The following CRYBG3 variants were observed in gnomAD, a reference collection of about 807,000 sequenced individuals.
The protein encoded by CRYBG3 is very large A-kinase anchor protein.
A neutral mutation model predicts 244.2 loss-of-function variants in CRYBG3; 127 were observed. The ratio of observed to expected loss-of-function variants is 0.52; its 90% CI spans 0.45 to 0.60. The LOEUF is 0.60. Among genes scored for constraint, CRYBG3 ranks in the 20% least tolerant of loss-of-function variants. The pLI is 0.00. For missense variants in CRYBG3, 3,325 were observed against 3,442.5 expected (o/e 0.97, Z 0.85); for synonymous variants, 1,132 against 1,195.8 (o/e 0.95, Z 1.10).
At position 97,933,815 on chromosome 3, in the gene CRYBG3, T is replaced by C. The variant is rs752618780; in HGVS notation, c.8363T>C (p.Val2788Ala). The C allele has an allele frequency of 1.9e-6, 3 of 1,612,158 alleles. No homozygotes were observed. Among genetic ancestry groups the C allele is most frequent in the Non-Finnish European group, 2.5e-6 (3 of 1,178,872 alleles). Reference protein sequence around the residue: ...NKDLHFYTQSVWVKSGLWIAY... With the variant: ...NKDLHFYTQSAWVKSGLWIAY... Reference sequence around the variant, plus strand: ...GACCTACACTTCTACACCCAGTCTGTGTGGGTAAAAAGTGGACTGTAAGTA... The same window carrying C: ...GACCTACACTTCTACACCCAGTCTGCGTGGGTAAAAAGTGGACTGTAAGTA... Residue 2788 changes from valine to alanine, a missense_variant, in exon 18 of 22, where the codon GTG becomes GCG. Coordinates refer to ENST00000389622, the MANE Select transcript of CRYBG3 (RefSeq NM_153605.4).
At chr3:97,941,955 G>C (rs187125586) in intron 20 of CRYBG3, 166 of 175,022 alleles carry the variant, frequency 9.5e-4, no homozygotes, top group African/African-American at 3.8e-3. Context: ...AGAAAACCAA[G>C]CTCAACATAA....
At chr3:97,929,863 A>G (rs1378862772) in intron 17 of CRYBG3, among the ~76,000 whole-genome samples, 4 of 151,982 alleles carry the variant, frequency 2.6e-5, no homozygotes, top group African/African-American at 4.8e-5. Flanking sequence ...AAAAACATAG[A>G]TGTTTACACA....
chr3:97,864,508 G>T lies in CRYBG3; in HGVS notation c.508G>T (p.Glu170Ter). 9 of 1,535,818 alleles carry T rather than the reference G, an allele frequency of 5.9e-6. No homozygotes were observed. The highest frequency in any genetic ancestry group is 7.8e-6 in the Non-Finnish European group (9 of 1,146,672). ...CCATCATGAAGACGGGATCAAAAGGGAGAGAGAGATTTTCAGTGGCTCCCT... is the reference window on the plus strand; with the variant it reads ...CCATCATGAAGACGGGATCAAAAGGTAGAGAGAGATTTTCAGTGGCTCCCT... ...SDHHEDGIKR[E>*]REIFSGSLRT... is the part of the protein sequence containing the mutation. Residue 170 changes from glutamate (E) to a stop codon, truncating the protein, a stop_gained, in exon 3 of 22, where the codon GAG becomes TAG. Transcript: ENST00000389622. LOFTEE classifies it high-confidence loss of function.
chr3:97,889,320 A>C lies in CRYBG3; in HGVS notation c.7405-35A>C, dbSNP rs558645903. ...TTACATTCAAATGTTTTAAATATTT[A>C]CCTGTCTAATATTAAACTATCTTGT... On this transcript the variant is annotated intron_variant, in intron 9 of 21. Coordinates refer to ENST00000389622, the MANE Select transcript of CRYBG3 (RefSeq NM_153605.4). 60 of 1,497,772 alleles carry C rather than the reference A, an allele frequency of 4.0e-5. 1 individual carries two copies. In the South Asian group the frequency reaches 6.8e-4, roughly 17 times the overall value. 92.8% of individuals were successfully genotyped at this position (1,497,772 alleles called of 1,614,324 possible).
At chr3:97,902,849 C>A (rs1038919164) in intron 15 of CRYBG3, among the ~76,000 whole-genome samples, 2 of 151,976 alleles carry the variant, frequency 1.3e-5, no homozygotes, top group African/African-American at 4.8e-5. Context: ...TTCCCCCAAA[C>A]AAAACAAAAA....
chr3:97,845,876 C>G (rs549491333), intron 2 of CRYBG3, among the ~76,000 whole-genome samples: 1 of 152,178 alleles, frequency 6.6e-6, no homozygotes, highest in South Asian at 2.1e-4. Context: ...TCCTTTTGGT[C>G]TGTTATTCTA....
In CRYBG3 at chr3:97,877,026, C is replaced by T; in HGVS notation, c.5832C>T (p.Tyr1944=). The change falls in exon 4 of 22, where the codon TAC becomes TAT. Residue 1944 remains tyrosine, a synonymous_variant. Transcript: ENST00000389622. The part of the protein sequence containing the change: ...SPTLSKDYEG[Y]PAPAMPDFQP... ...CATTAAGTAAGGATTATGAGGGCTA[C>T]CCAGCCCCAGCAATGCCAGATTTTC... 6 of 1,575,424 alleles carry T rather than the reference C, an allele frequency of 3.8e-6. No homozygotes were observed. Among genetic ancestry groups the T allele is most frequent in the African/African-American group, 2.7e-5 (2 of 73,826 alleles).
intron 17 of CRYBG3, among the ~76,000 whole-genome samples, chr3:97,921,855 A>G (rs2039988012): frequency 6.6e-6 from 1 of 152,168 alleles, no homozygotes; most frequent in South Asian, 2.1e-4. Flanking sequence ...CCATGGGAGC[A>G]GTAGTTAGCT....
At chr3:97,916,014 T>G (rs1187359759) in intron 17 of CRYBG3, among the ~76,000 whole-genome samples, 1 of 152,100 alleles carries the variant, frequency 6.6e-6, no homozygotes, top group Non-Finnish European at 1.5e-5. Flanking sequence ...TCAATTTGAG[T>G]GACATTGGCA....
chr3:97,928,338 A>G (rs549159309), intron 17 of CRYBG3, among the ~76,000 whole-genome samples: 1 of 152,190 alleles, frequency 6.6e-6, no homozygotes, highest in South Asian at 2.1e-4. Context: ...TTCAATTATA[A>G]GTAGAAGATA....
chr3:97,885,012 C>T (rs939362314), intron 7 of CRYBG3, among the ~76,000 whole-genome samples: 21 of 152,006 alleles, frequency 1.4e-4, no homozygotes, highest in African/African-American at 4.8e-4. Flanking sequence ...AACTCAGATC[C>T]CTGGGGGGAC....
chr3:97,897,675 AT>A (rs1199642585), intron 12 of CRYBG3, among the ~76,000 whole-genome samples: 3 of 152,222 alleles, frequency 2.0e-5, no homozygotes, highest in South Asian at 4.2e-4. Context: ...TTATTAAACC[AT>A]TTTTTTGGAC....
At chr3:97,942,644 G>T in intron 21 of CRYBG3, 1 of 491,988 alleles carries the variant, frequency 2.0e-6, no homozygotes, top group Non-Finnish European at 3.5e-6. Context: ...TAGGGTTTTT[G>T]TTCATTAGTA....
intron 15 of CRYBG3, among the ~76,000 whole-genome samples, chr3:97,907,706 T>G (rs931100855): frequency 6.6e-6 from 1 of 151,904 alleles, no homozygotes; most frequent in Non-Finnish European, 1.5e-5. Flanking sequence ...AGCTCCTGGA[T>G]TCATTAATTT....
At chr3:97,936,686 A>G in intron 18 of CRYBG3, 99 bp from the exon 19 acceptor site, 1 of 1,242,586 alleles carries the variant, frequency 8.0e-7, no homozygotes. Flanking sequence ...CTGCAAACCT[A>G]GAAGTTTATG....
rs2039357980 is a variant in CRYBG3, at chr3:97,875,319, A to T, written c.4125A>T (p.Lys1375Asn). The part of the protein sequence containing the change: ...VNQSTQISEN[K>N]VLNEFFSLSN... ...AAAGCACACAAATTAGTGAAAATAA[A>T]GTATTAAATGAATTCTTCTCCCTAA... is the stretch of plus-strand genomic sequence containing the variant. Residue 1375 changes from lysine (K) to asparagine (N), a missense_variant, in exon 4 of 22, where the codon AAA becomes AAT. Physicochemically the swap from Lys to Asn is moderately conservative, Grantham distance 94 (BLOSUM62 0). This residue lies in a region of CRYBG3 where 635 missense variants were observed against 771.7 expected (regional missense o/e 0.82). Transcript: ENST00000389622. 8.3e-6 allele frequency: 12 copies of T among 1,441,314 alleles called. No individual in the cohort carries two copies. The highest frequency in any genetic ancestry group is 1.0e-5 in the Non-Finnish European group (11 of 1,104,896). The allele number at this position is 1,441,314 out of a possible 1,614,324, so 89.3% of individuals were successfully genotyped here. A position where few individuals can be genotyped will look rare whatever the true frequency, so the allele number is the denominator to read the frequency against.
intron 7 of CRYBG3, among the ~76,000 whole-genome samples, chr3:97,882,724 G>A (rs1453272774): frequency 8.5e-5 from 13 of 152,158 alleles, no homozygotes; most frequent in Admixed American, 8.5e-4. Context: ...AAACTATCAT[G>A]ATGACTTGGA....
intron 15 of CRYBG3, among the ~76,000 whole-genome samples, chr3:97,902,533 T>C (rs1296437838): frequency 1.3e-5 from 2 of 151,510 alleles, no homozygotes; most frequent in Non-Finnish European, 2.9e-5. Context: ...AACGTGCAGG[T>C]TTGTTTTATA....
intron 1 of CRYBG3, among the ~76,000 whole-genome samples, chr3:97,830,453 C>T (rs2038639782): frequency 1.3e-5 from 2 of 152,180 alleles, no homozygotes; most frequent in South Asian, 4.2e-4. Context: ...TATTTTTGGA[C>T]TTCACGTATT....
Sources: gnomAD v4.1 joint callset for allele counts (sites outside exome capture counted in the v4.1 genomes callset) on GRCh38, gnomAD v4.1.1 for gene constraint, gnomAD v4.1.1 regional missense constraint, MANE v1.5 for transcripts, NCBI Gene and HGNC (gene_info 2026-07-23, HGNC 2026-07-21) for gene names.